The following PVT1 variants were observed in gnomAD, a reference collection of about 807,000 sequenced individuals.
The protein encoded by PVT1 is Pvt1 oncogene.
intron 2 of PVT1, among the ~76,000 whole-genome samples, chr8:127,870,948 G>T (rs139087428): frequency 1.5e-4 from 23 of 152,254 alleles, no homozygotes; most frequent in African/African-American, 5.3e-4. Flanking sequence ...CCACAGTCAC[G>T]TCTCCTTTCT....
chr8:127,808,327 C>T (rs996410790), intron 2 of PVT1, among the ~76,000 whole-genome samples: 1 of 152,180 alleles, frequency 6.6e-6, no homozygotes, highest in African/African-American at 2.4e-5. Context: ...GGATTACAGG[C>T]GTGAGCCACG....
chr8:127,914,330 G>A (rs1427972856), intron 3 of PVT1, among the ~76,000 whole-genome samples: 7 of 137,660 alleles, frequency 5.1e-5, no homozygotes, highest in African/African-American at 1.6e-4. Flanking sequence ...TGGTGAGGAT[G>A]TAGAGAAATT....
chr8:127,949,908 G>C lies in PVT1; in HGVS notation n.783-39254G>C, dbSNP rs1816484921. 1.3e-5 allele frequency among the ~76,000 whole-genome samples: 2 copies of C among 152,270 alleles called. 1 individual carries two copies. Among genetic ancestry groups the C allele is most frequent in the South Asian group, 4.1e-4 (2 of 4,834 alleles). ...CCAAGCCGGCCCTGCCCAGCGGCTGGATTCTGACTCGCTGTGCCTTAGTCA... is the reference window on the plus strand; with the variant it reads ...CCAAGCCGGCCCTGCCCAGCGGCTGCATTCTGACTCGCTGTGCCTTAGTCA... On this transcript the variant is annotated intron_variant and non_coding_transcript_variant, in intron 3 of 10. Coordinates refer to ENST00000651587, the Ensembl canonical transcript of PVT1.
At chr8:127,934,934 C>T (rs1050166385) in intron 3 of PVT1, among the ~76,000 whole-genome samples, 6 of 152,028 alleles carry the variant, frequency 3.9e-5, no homozygotes, top group African/African-American at 1.5e-4. Context: ...AACTGCTGTA[C>T]CTGGGTGCTC....
intron 2 of PVT1, among the ~76,000 whole-genome samples, chr8:127,856,752 A>G (rs1563622780): frequency 6.6e-6 from 1 of 152,230 alleles, no homozygotes; most frequent in Admixed American, 6.5e-5. Context: ...CCCATTCAAT[A>G]GATAAGGAAA....
At chr8:127,855,272 G>A (rs1815148855) in intron 2 of PVT1, 2 of 398,688 alleles carry the variant, frequency 5.0e-6, no homozygotes, top group African/African-American at 2.1e-5. Flanking sequence ...TCATCGCTGA[G>A]GTGGATGGAG....
chr8:127,992,332 C>T (rs1484249738), intron 4 of PVT1, among the ~76,000 whole-genome samples: 1 of 152,324 alleles, frequency 6.6e-6, no homozygotes, highest in East Asian at 1.9e-4. Flanking sequence ...TTGTAGTTAG[C>T]CAAGATTGTG....
intron 3 of PVT1, among the ~76,000 whole-genome samples, chr8:127,943,710 C>T (rs981630268): frequency 2.6e-5 from 4 of 152,156 alleles, no homozygotes; most frequent in African/African-American, 9.7e-5. Flanking sequence ...GTAAAAATCT[C>T]CCTTTGTTGA....
intron 2 of PVT1, among the ~76,000 whole-genome samples, chr8:127,823,384 T>A (rs1484584595): frequency 2.0e-5 from 3 of 152,242 alleles, no homozygotes; most frequent in Non-Finnish European, 4.4e-5. Flanking sequence ...AAATTCTGGG[T>A]CTGATATCTT....
At chr8:128,021,591 C>T (rs1586484994) in intron 4 of PVT1, among the ~76,000 whole-genome samples, 1 of 152,144 alleles carries the variant, frequency 6.6e-6, no homozygotes, top group African/African-American at 2.4e-5. Flanking sequence ...CCGCGCCCGG[C>T]CTGTCTGGGC....
At chr8:127,966,241 A>G (rs762401517) in intron 3 of PVT1, among the ~76,000 whole-genome samples, 1 of 152,178 alleles carries the variant, frequency 6.6e-6, no homozygotes, top group Non-Finnish European at 1.5e-5. Flanking sequence ...TGGGTTATGG[A>G]GTCTCATAAT....
chr8:127,936,346 C>A (rs543871154), intron 3 of PVT1, among the ~76,000 whole-genome samples: 16 of 152,272 alleles, frequency 1.1e-4, no homozygotes, highest in Admixed American at 1.0e-3. Flanking sequence ...GCCACCCCAC[C>A]TGGTCGACAG....
chr8:127,912,560 C>T (rs570075002), intron 3 of PVT1, among the ~76,000 whole-genome samples: 18 of 152,300 alleles, frequency 1.2e-4, no homozygotes, highest in Non-Finnish European at 2.1e-4. Flanking sequence ...CACACCATCC[C>T]AGTGGAGAAG....
chr8:127,985,634 G>T (rs1206274652), intron 3 of PVT1, among the ~76,000 whole-genome samples: 1 of 152,070 alleles, frequency 6.6e-6, no homozygotes, highest in Non-Finnish European at 1.5e-5. Flanking sequence ...AGGCTCTGCT[G>T]ACTCCCTGTG....
intron 2 of PVT1, among the ~76,000 whole-genome samples, chr8:127,828,164 G>T (rs1328823925): frequency 6.6e-6 from 1 of 152,116 alleles, no homozygotes; most frequent in Non-Finnish European, 1.5e-5. Flanking sequence ...GTTACACCTG[G>T]GTACATTTCA....
At chr8:127,806,341 G>A (rs1586387438) in intron 2 of PVT1, among the ~76,000 whole-genome samples, 2 of 152,014 alleles carry the variant, frequency 1.3e-5, no homozygotes, top group South Asian at 4.2e-4. Flanking sequence ...TGTGCCTGTA[G>A]TCCCAGCTAC....
At chr8:127,917,275 AC>A (rs1815996732) in intron 3 of PVT1, among the ~76,000 whole-genome samples, 1 of 152,328 alleles carries the variant, frequency 6.6e-6, no homozygotes, top group Admixed American at 6.5e-5. Context: ...AGTCCTGAAG[AC>A]ACAGAAAAGG....
intron 4 of PVT1, among the ~76,000 whole-genome samples, chr8:128,060,878 C>T (rs1813821753): frequency 6.6e-6 from 1 of 151,794 alleles, no homozygotes; most frequent in Non-Finnish European, 1.5e-5. Context: ...TCCCAATCTC[C>T]CTTCTATCCC....
At chr8:128,083,052 G>A (rs146305188) in intron 5 of PVT1, among the ~76,000 whole-genome samples, 9 of 151,352 alleles carry the variant, frequency 5.9e-5, no homozygotes, top group Non-Finnish European at 1.2e-4. Flanking sequence ...TGGTACCTAT[G>A]TGCCAAAGTT....
Sources: gnomAD v4.1 joint callset for allele counts (sites outside exome capture counted in the v4.1 genomes callset) on GRCh38, gnomAD v4.1.1 for gene constraint, MANE v1.5 for transcripts, NCBI Gene and HGNC (gene_info 2026-07-23, HGNC 2026-07-21) for gene names.